Variants in XPOT observed in about 807,000 individuals in gnomAD.
The protein encoded by XPOT is exportin for tRNA, also known as exportin-T.
In XPOT, 34 loss-of-function variants were observed where a neutral mutation model predicts 128.2. That is an observed-to-expected ratio of 0.27 (90% CI 0.20 to 0.35). XPOT has a LOEUF of 0.35. XPOT is among the 10% of genes least tolerant of loss of function. The probability of loss-of-function intolerance (pLI) is 1.00; values close to 1 mark genes in which losing one functional copy is unlikely to be tolerated. For synonymous variants in XPOT, 348 were observed against 394.3 expected (o/e 0.88, Z 1.39); for missense variants, 838 against 1,125.3 (o/e 0.74, Z 3.65).
Position 64,416,741 on chromosome 12 carries a change from C to A in XPOT, c.187C>A (p.Gln63Lys). 6.2e-7 allele frequency: 1 copy of A among 1,613,190 alleles called. No individual in the cohort carries two copies. The highest frequency in any genetic ancestry group is 8.5e-7 in the Non-Finnish European group (1 of 1,179,584). ...TTTCTGCTTTCAAGTACTGGAACAT[C>A]AAGTTAAATACAAGTAAGGCTTTTC... The part of the protein sequence containing the change: ...KFFCFQVLEH[Q>K]VKYKYSELTT... The change falls in exon 4 of 25, where the codon CAA (glutamine) becomes AAA (lysine). Residue 63 changes from glutamine to lysine, a missense_variant. Gln to Lys is a moderately conservative substitution (Grantham distance 53). This residue lies in a region of XPOT where 761 missense variants were observed against 988.3 expected (regional missense o/e 0.77). Coordinates refer to ENST00000332707, the MANE Select transcript of XPOT (RefSeq NM_007235.6).
intron 4 of XPOT, 138 bp downstream of exon 4, chr12:64,416,892 G>A (rs1424374063): frequency 2.8e-5 from 22 of 795,728 alleles, no homozygotes; most frequent in East Asian, 2.7e-4. Context: ...TTATAGATAC[G>A]TTTTGATGTA....
In XPOT at chr12:64,431,679, T is replaced by C; in HGVS notation, c.2118T>C (p.Thr706=). 6.2e-7 allele frequency: 1 copy of C among 1,614,002 alleles called. No individual in the cohort carries two copies. Among genetic ancestry groups the C allele is most frequent in the South Asian group, 1.1e-5 (1 of 91,078 alleles). ...ATATTCTCAGAAGTGGAGTCCGTACTTTCCTTCATCGAATGATTATTTGCC... is the reference window on the plus strand; with the variant it reads ...ATATTCTCAGAAGTGGAGTCCGTACCTTCCTTCATCGAATGATTATTTGCC... ...QKDILRSGVR[T]FLHRMIICLE... Residue 706 remains threonine, a synonymous_variant, in exon 18 of 25, where the codon ACT becomes ACC. Coordinates refer to ENST00000332707, the MANE Select transcript of XPOT (RefSeq NM_007235.6).
At chr12:64,418,335 T>C (rs1343493495) in intron 5 of XPOT, among the ~76,000 whole-genome samples, 1 of 152,174 alleles carries the variant, frequency 6.6e-6, no homozygotes, top group Non-Finnish European at 1.5e-5. Context: ...CCATGACACA[T>C]TGTGGAAACT....
At chr12:64,433,262 A>G in intron 18 of XPOT, 152 bp from the exon 19 acceptor site, 1 of 742,832 alleles carries the variant, frequency 1.3e-6, no homozygotes, top group Non-Finnish European at 2.0e-6. Flanking sequence ...TGTTTAGGTT[A>G]TATAGATTTT....
intron 4 of XPOT, among the ~76,000 whole-genome samples, chr12:64,417,093 T>G (rs1565796013): frequency 6.6e-6 from 1 of 152,216 alleles, no homozygotes; most frequent in African/African-American, 2.4e-5. Flanking sequence ...GGCATGCACC[T>G]GTAATCCCAG....
chr12:64,413,905 C>CAGTTT (rs2040063588), intron 2 of XPOT, among the ~76,000 whole-genome samples: 1 of 152,184 alleles, frequency 6.6e-6, no homozygotes, highest in Non-Finnish European at 1.5e-5. Context: ...GATTTCATCA[C>CAGTTT]TAGTGGGAGA....
rs1026694968 is a variant in XPOT, at chr12:64,449,308, G to A, written c.*1177G>A. On this transcript the variant is annotated 3_prime_UTR_variant, in exon 25 of 25. Transcript: ENST00000332707. ...CTATGTGTTTATTATGTTTGTAAAT[G>A]GTAACTGACATTTAATTATTAGAAG... 5 of 152,080 alleles carry A rather than the reference G, an allele frequency of 3.3e-5. No individual in the cohort carries two copies. In the South Asian group the frequency reaches 6.2e-4, roughly 19 times the overall value. The allele number at this position is 152,080 out of a possible 1,614,324, so 9.4% of individuals were successfully genotyped here. A position where few individuals can be genotyped will look rare whatever the true frequency, so the allele number is the denominator to read the frequency against.
Position 64,433,471 on chromosome 12 carries a change from G to C in XPOT, c.2320G>C (p.Glu774Gln). The C allele has an allele frequency of 6.2e-7, 1 of 1,602,626 alleles. No homozygotes were observed. Among genetic ancestry groups the C allele is most frequent in the African/African-American group, 1.3e-5 (1 of 74,632 alleles). Residue 774 changes from glutamate (E) to glutamine (Q), a missense_variant, in exon 19 of 25, where the codon GAA (glutamate) becomes CAA (glutamine). Glu to Gln is a conservative substitution (Grantham distance 29). This residue lies in a region of XPOT where 761 missense variants were observed against 988.3 expected (regional missense o/e 0.77). Transcript: ENST00000332707. ...MFMPLLHAIFEVLLRPAEEND... is the reference protein window; with the variant it reads ...MFMPLLHAIFQVLLRPAEEND... Reference sequence around the variant, plus strand: ...CATGCCCCTGCTTCATGCAATTTTTGAAGTGCTGCTCCGGCCAGCAGAAGA... The same window carrying C: ...CATGCCCCTGCTTCATGCAATTTTTCAAGTGCTGCTCCGGCCAGCAGAAGA...
intron 24 of XPOT, among the ~76,000 whole-genome samples, chr12:64,446,449 T>C (rs1223280217): frequency 6.6e-6 from 1 of 152,130 alleles, no homozygotes; most frequent in East Asian, 1.9e-4. Flanking sequence ...TTCCTCATCT[T>C]CTCTCTCTTC....
rs775085589 is a variant in XPOT, at chr12:64,431,715, A to G, written c.2154A>G (p.Glu718=). 2 of 1,614,100 alleles carry G rather than the reference A, an allele frequency of 1.2e-6. No individual in the cohort carries two copies. Among genetic ancestry groups the G allele is most frequent in the Admixed American group, 3.3e-5 (2 of 60,008 alleles). ...LHRMIICLEE[E]VLPFIPSASE... Reference sequence around the variant, plus strand: ...GAATGATTATTTGCCTGGAGGAAGAAGTTCTTCCGTTCATTCCATCTGCTT... The same window carrying G: ...GAATGATTATTTGCCTGGAGGAAGAGGTTCTTCCGTTCATTCCATCTGCTT... Residue 718 remains glutamate (E), a synonymous_variant, in exon 18 of 25, where the codon GAA becomes GAG. Coordinates refer to ENST00000332707, the MANE Select transcript of XPOT (RefSeq NM_007235.6).
Position 64,435,618 on chromosome 12 carries a change from T to C in XPOT, c.2686-9T>C. 6.3e-7 allele frequency: 1 copy of C among 1,590,132 alleles called. No homozygotes were observed. Among genetic ancestry groups the C allele is most frequent in the Non-Finnish European group, 8.6e-7 (1 of 1,166,338 alleles). On this transcript the variant is annotated splice_polypyrimidine_tract_variant and intron_variant, in intron 21 of 24. Coordinates refer to ENST00000332707, the MANE Select transcript of XPOT (RefSeq NM_007235.6). The stretch of plus-strand genomic sequence containing the variant: ...AATATATAGAAATTCTTAAACTTGT[T>C]TTTCACAGGCTTTATCTGAGTGTGC...
At chr12:64,446,296 G>A (rs1005988036) in intron 24 of XPOT, among the ~76,000 whole-genome samples, 5 of 152,224 alleles carry the variant, frequency 3.3e-5, no homozygotes, top group African/African-American at 9.6e-5. Flanking sequence ...TTCCTTCTGG[G>A]CCCAACTTCT....
chr12:64,428,752 T>C (rs556409859), intron 16 of XPOT, among the ~76,000 whole-genome samples: 5 of 152,344 alleles, frequency 3.3e-5, no homozygotes, highest in Admixed American at 2.0e-4. Flanking sequence ...TAAAAGGGAA[T>C]GTATTTGAGA....
intron 9 of XPOT, 32 bp from the exon 10 acceptor site, chr12:64,422,973 A>G (rs1307954515): frequency 1.2e-6 from 2 of 1,605,136 alleles, no homozygotes; most frequent in Admixed American, 3.4e-5. Flanking sequence ...AACTTTAGAA[A>G]ACCTAATAAG....
chr12:64,424,951 AG>A (rs2040176456), intron 12 of XPOT, 86 bp from the exon 13 acceptor site: 1 of 1,502,058 alleles, frequency 6.7e-7, no homozygotes, highest in African/African-American at 1.4e-5. Flanking sequence ...ATAATTAAAA[AG>A]GCTTTTGTTG....
chr12:64,414,984 A>T lies in XPOT; in HGVS notation c.138A>T (p.Thr46=), dbSNP rs1186863742. The T allele has an allele frequency of 1.9e-6, 3 of 1,609,270 alleles. No homozygotes were observed. Among genetic ancestry groups the T allele is most frequent in the Admixed American group, 1.7e-5 (1 of 59,806 alleles). The change falls in exon 3 of 25, where the codon ACA becomes ACT. Residue 46 remains threonine, a synonymous_variant. Transcript: ENST00000332707. ...GTGCAGAAGCTCTAGCCCAGAGGAC[A>T]TACAGGTAATTAAAAACAAAATTTG... ...QVCAEALAQR[T]YSDDHVKFFC... is the part of the protein sequence containing the mutation.
chr12:64,411,226 C>T (rs774153317), intron 2 of XPOT, among the ~76,000 whole-genome samples: 1 of 152,180 alleles, frequency 6.6e-6, no homozygotes, highest in East Asian at 1.9e-4. Context: ...TCTTTCTTGT[C>T]ATAGGGTTTT....
chr12:64,417,746 A>C (rs2136016931), intron 4 of XPOT, among the ~76,000 whole-genome samples: 1 of 152,308 alleles, frequency 6.6e-6, no homozygotes, highest in Non-Finnish European at 1.5e-5. Flanking sequence ...TTCCTAGTTC[A>C]CCTATTGGTT....
chr12:64,442,202 C>T (rs1054027918), intron 23 of XPOT, among the ~76,000 whole-genome samples: 1 of 152,068 alleles, frequency 6.6e-6, no homozygotes, highest in Non-Finnish European at 1.5e-5. Flanking sequence ...CTCACTGTAA[C>T]CTCCACCTCC....
Sources: gnomAD v4.1 joint callset for allele counts (sites outside exome capture counted in the v4.1 genomes callset) on GRCh38, gnomAD v4.1.1 for gene constraint, gnomAD v4.1.1 regional missense constraint, MANE v1.5 for transcripts, NCBI Gene and HGNC (gene_info 2026-07-23, HGNC 2026-07-21) for gene names.